Variants in HTR1F observed in about 807,000 individuals in gnomAD.
HTR1F encodes the protein 5-hydroxytryptamine receptor 1F.
HTR1F carries 17 observed loss-of-function variants against 24.0 expected under a neutral mutation model. The ratio of observed to expected loss-of-function variants is 0.71; its 90% confidence interval spans 0.48 to 1.06. The LOEUF is 1.06. Ranked by LOEUF, HTR1F falls within the 50% of genes least tolerant of loss-of-function variation. The probability of loss-of-function intolerance (pLI) is 0.00; values close to 1 mark genes in which losing one functional copy is unlikely to be tolerated. For synonymous variants in HTR1F, 186 were observed against 156.8 expected (o/e 1.19, Z -1.39); for missense variants, 391 against 427.8 (o/e 0.91, Z 0.76).
At chr3:87,918,614 C>T (rs1703945611) in intron 2 of HTR1F, among the ~76,000 whole-genome samples, 1 of 151,910 alleles carries the variant, frequency 6.6e-6, no homozygotes, top group Non-Finnish European at 1.5e-5. Context: ...GAACTCAACC[C>T]CTTTTACAAT....
rs112005153 is a variant in HTR1F, at chr3:87,961,523, A to T, written c.-42-29185A>T. On this transcript the variant is annotated intron_variant, in intron 2 of 2. Coordinates refer to ENST00000319595, the MANE Select transcript of HTR1F (RefSeq NM_001322209.2). ...ACATTTATAATCCCAGCATGTTGGG[A>T]GGCCTAGATGGGAGGATCACTTGAA... 3.5e-3 allele frequency among the ~76,000 whole-genome samples: 531 copies of T among 152,120 alleles called. 4 individuals carry two copies. The highest frequency in any genetic ancestry group is 0.01 in the Middle Eastern group (3 of 294).
intron 2 of HTR1F, among the ~76,000 whole-genome samples, chr3:87,858,919 G>C (rs1360202521): frequency 6.6e-6 from 1 of 152,156 alleles, no homozygotes; most frequent in African/African-American, 2.4e-5. Flanking sequence ...TTTTGGGCTG[G>C]ATGTGTTGGC....
chr3:87,810,380 G>A (rs1704140355), intron 1 of HTR1F, among the ~76,000 whole-genome samples: 1 of 152,018 alleles, frequency 6.6e-6, no homozygotes, highest in Admixed American at 6.6e-5. Flanking sequence ...CTAATTTTAT[G>A]CTTGGCCAAA....
At chr3:87,837,834 C>T (rs1445106741) in intron 2 of HTR1F, among the ~76,000 whole-genome samples, 1 of 151,952 alleles carries the variant, frequency 6.6e-6, no homozygotes, top group African/African-American at 2.4e-5. Flanking sequence ...TCCTCCTTGA[C>T]TTTAGACAAT....
rs1705857737 is a variant in HTR1F at position 87,992,415 on chromosome 3, T to C, written c.*565T>C. ...GTAAAAAAGTCAGAGCTTGAAATTG[T>C]CCTTGTGTTTAGGTAGCAAAGAGTA... On this transcript the variant is annotated 3_prime_UTR_variant, in exon 3 of 3. Coordinates refer to ENST00000319595, the MANE Select transcript of HTR1F (RefSeq NM_001322209.2). 1 of 167,084 alleles carries C rather than the reference T, an allele frequency of 6.0e-6. No individual in the cohort carries two copies. The highest frequency in any genetic ancestry group is 2.4e-5 in the African/African-American group (1 of 41,464). 10.4% of individuals were successfully genotyped at this position (167,084 alleles called of 1,614,324 possible).
At chr3:87,919,923 G>A (rs1703975113) in intron 2 of HTR1F, among the ~76,000 whole-genome samples, 1 of 151,850 alleles carries the variant, frequency 6.6e-6, no homozygotes, top group South Asian at 2.1e-4. Flanking sequence ...ATACATGCAT[G>A]TTTATAGCAG....
chr3:87,832,697 C>T (rs939213515), intron 2 of HTR1F, among the ~76,000 whole-genome samples: 4 of 152,130 alleles, frequency 2.6e-5, no homozygotes, highest in Admixed American at 1.3e-4. Context: ...GAATACAGAC[C>T]AAAACTTTGG....
intron 2 of HTR1F, among the ~76,000 whole-genome samples, chr3:87,940,715 T>C (rs1321441380): frequency 6.6e-6 from 1 of 152,212 alleles, no homozygotes; most frequent in Non-Finnish European, 1.5e-5. Context: ...TCATGCTACC[T>C]TCAAACTGTA....
chr3:87,993,658 A>C lies in HTR1F; in HGVS notation c.*1808A>C, dbSNP rs1228420653. On this transcript the variant is annotated 3_prime_UTR_variant, in exon 3 of 3. Transcript: ENST00000319595. The stretch of plus-strand genomic sequence containing the variant: ...TGGGGCATGTTCATAAATAGCAATG[A>C]GTTTGGCAACTATTTAGAGCAATAG... The C allele has an allele frequency of 6.0e-6, 1 of 167,122 alleles. No homozygotes were observed. Among genetic ancestry groups the C allele is most frequent in the Non-Finnish European group, 1.5e-5 (1 of 68,130 alleles). The allele number at this position is 167,122 out of a possible 1,614,324, so 10.4% of individuals were successfully genotyped here.
intron 2 of HTR1F, among the ~76,000 whole-genome samples, chr3:87,943,661 A>G (rs1187047860): frequency 1.3e-5 from 2 of 152,120 alleles, no homozygotes; most frequent in Non-Finnish European, 2.9e-5. Flanking sequence ...CATAATTGCG[A>G]GTTGTCTCTT....
At chr3:87,952,774 A>G (rs1490390283) in intron 2 of HTR1F, among the ~76,000 whole-genome samples, 2 of 151,890 alleles carry the variant, frequency 1.3e-5, no homozygotes, top group African/African-American at 4.8e-5. Flanking sequence ...GTGAAAAGCA[A>G]TGGTCACCCA....
chr3:87,966,137 T>C (rs185737290), intron 2 of HTR1F, among the ~76,000 whole-genome samples: 1 of 152,274 alleles, frequency 6.6e-6, no homozygotes, highest in African/African-American at 2.4e-5. Flanking sequence ...TTGGTGTCTA[T>C]GTTCCTCATA....
chr3:87,962,792 T>G (rs1705089113), intron 2 of HTR1F, among the ~76,000 whole-genome samples: 1 of 152,022 alleles, frequency 6.6e-6, no homozygotes. Flanking sequence ...ACTTTGTCCT[T>G]GCTTGGAAAG....
intron 2 of HTR1F, among the ~76,000 whole-genome samples, chr3:87,867,165 C>G (rs780388584): frequency 9.2e-5 from 14 of 151,914 alleles, no homozygotes; most frequent in Non-Finnish European, 1.8e-4. Flanking sequence ...CCTCTTCAAA[C>G]TCATTCCTTC....
At chr3:87,823,438 A>G (rs1704398823) in intron 2 of HTR1F, among the ~76,000 whole-genome samples, 1 of 151,970 alleles carries the variant, frequency 6.6e-6, no homozygotes, top group African/African-American at 2.4e-5. Flanking sequence ...TAGATGTTGG[A>G]ACACTTTAGG....
At chr3:87,848,914 C>G (rs1297447646) in intron 2 of HTR1F, among the ~76,000 whole-genome samples, 15 of 151,550 alleles carry the variant, frequency 9.9e-5, no homozygotes, top group African/African-American at 3.4e-4. Flanking sequence ...TGTGAAGGAC[C>G]TCTTCAAGGA....
At chr3:87,849,798 G>GA (rs1385325428) in intron 2 of HTR1F, among the ~76,000 whole-genome samples, 1 of 151,912 alleles carries the variant, frequency 6.6e-6, no homozygotes, top group East Asian at 1.9e-4. Context: ...GTGGGCGAAA[G>GA]ATATGAACAG....
chr3:87,972,738 A>G (rs1202626969), intron 2 of HTR1F, among the ~76,000 whole-genome samples: 1 of 152,174 alleles, frequency 6.6e-6, no homozygotes, highest in African/African-American at 2.4e-5. Context: ...TTCTTCCTCA[A>G]GTCTCACCTC....
chr3:87,874,968 T>C (rs1705637791), intron 2 of HTR1F, among the ~76,000 whole-genome samples: 1 of 152,130 alleles, frequency 6.6e-6, no homozygotes, highest in Non-Finnish European at 1.5e-5. Flanking sequence ...CTTTACACCA[T>C]ATACAAAAAT....
Sources: allele counts gnomAD v4.1 joint callset (sites outside exome capture counted in the v4.1 genomes callset), GRCh38; gene constraint gnomAD v4.1.1; transcripts MANE v1.5; gene names NCBI Gene and HGNC (gene_info 2026-07-23, HGNC 2026-07-21).